Variants in ZXDC observed in about 807,000 individuals in gnomAD.
ZXDC encodes the protein zinc finger protein ZXDC.
In ZXDC, 58 loss-of-function variants were observed where a neutral mutation model predicts 63.6. That is an observed-to-expected ratio of 0.91 (90% CI 0.74 to 1.13). ZXDC has a LOEUF of 1.13. Ranked by LOEUF, ZXDC falls within the 50% of genes most tolerant of loss-of-function variation. ZXDC has a pLI of 0.00. For missense variants in ZXDC, 1,133 were observed against 1,148.9 expected (o/e 0.99, Z 0.20); for synonymous variants, 561 against 496.1 (o/e 1.13, Z -1.74).
intron 8 of ZXDC, chr3:126,441,494 C>T (rs1053919312): frequency 2.8e-5 from 35 of 1,228,318 alleles, no homozygotes; most frequent in Middle Eastern, 6.2e-4. Context: ...TGGGGCTAGA[C>T]GCAGGGCTGT....
chr3:126,456,194 G>A (rs535737578), intron 7 of ZXDC, among the ~76,000 whole-genome samples: 1 of 152,344 alleles, frequency 6.6e-6, no homozygotes, highest in Non-Finnish European at 1.5e-5. Context: ...AAGAGAAACA[G>A]GGCACTTGCA....
At chr3:126,454,789 C>T in intron 7 of ZXDC, 1 of 985,418 alleles carries the variant, frequency 1.0e-6, no homozygotes, top group Non-Finnish European at 1.2e-6. Context: ...TTAAGCTTAA[C>T]TTTGCTATTC....
intron 8 of ZXDC, chr3:126,441,282 A>C: frequency 1.0e-6 from 1 of 988,586 alleles, no homozygotes; most frequent in Non-Finnish European, 1.2e-6. Flanking sequence ...AAATAGAAAA[A>C]CACTGAAAAG....
chr3:126,445,182 C>T (rs1281463019), intron 7 of ZXDC, among the ~76,000 whole-genome samples: 5 of 152,166 alleles, frequency 3.3e-5, no homozygotes, highest in Non-Finnish European at 7.3e-5. Context: ...GCTAACAACT[C>T]GTCTAGGGAT....
Position 126,475,830 on chromosome 3 carries a change from C to T in ZXDC, c.36G>A (p.Ala12=), listed in dbSNP as rs1935205524. 1 of 1,082,460 alleles carries T rather than the reference C, an allele frequency of 9.2e-7. No homozygotes were observed. The highest frequency in any genetic ancestry group is 4.3e-5 in the South Asian group (1 of 23,006). The allele number at this position is 1,082,460 out of a possible 1,614,324, so 67.1% of individuals were successfully genotyped here. A position where few individuals can be genotyped will look rare whatever the true frequency, so the allele number is the denominator to read the frequency against. The part of the protein sequence containing the change: ...DLPALLPAPT[A]RGGQHGGGPG... ...GGCCGCCGCCATGTTGCCCTCCGCG[C>T]GCAGTCGGGGCGGGGAGCAGCGCCG... Residue 12 remains alanine (A), a synonymous_variant, in exon 1 of 10, where the codon GCG becomes GCA. Coordinates refer to ENST00000389709, the MANE Select transcript of ZXDC (RefSeq NM_025112.5).
Position 126,460,776 on chromosome 3 carries a change from A to G in ZXDC, c.2127+759T>C, listed in dbSNP as rs533002387. On this transcript the variant is annotated intron_variant, in intron 6 of 9. Transcript: ENST00000389709. ...GTGGCTCCATGGAGCCTCAGCTACT[A>G]TGTGCCTCACAACTGATCCTACTGC... 7.1e-6 allele frequency: 7 copies of G among 985,412 alleles called. No individual in the cohort carries two copies. The East Asian group carries it at 5.7e-4, about 80-fold the overall frequency. The allele number at this position is 985,412 out of a possible 1,614,324, so 61.0% of individuals were successfully genotyped here.
intron 7 of ZXDC, chr3:126,450,755 T>C (rs936736864): frequency 2.8e-6 from 1 of 351,362 alleles, no homozygotes; most frequent in Non-Finnish European, 5.6e-6. Flanking sequence ...AAACAGATTA[T>C]AAAAATTACA....
chr3:126,475,372 G>C lies in ZXDC; in HGVS notation c.494C>G (p.Pro165Arg). Residue 165 changes from proline to arginine, a missense_variant, in exon 1 of 10, where the codon CCC becomes CGC. By Grantham distance (103) the Pro-to-Arg change is moderately radical. Coordinates refer to ENST00000389709, the MANE Select transcript of ZXDC (RefSeq NM_025112.5). Reference protein sequence around the residue: ...TAGAAAPRRAPQASGPSTPGY... With the variant: ...TAGAAAPRRARQASGPSTPGY... ...GGGCGTGCTGGGGCCGGAGGCCTGG[G>C]GCGCGCGGCGGGGAGCGGCGGCGCC... 2 of 1,260,286 alleles carry C rather than the reference G, an allele frequency of 1.6e-6. No individual in the cohort carries two copies. The allele number at this position is 1,260,286 out of a possible 1,614,324, so 78.1% of individuals were successfully genotyped here. A position where few individuals can be genotyped will look rare whatever the true frequency, so the allele number is the denominator to read the frequency against.
At position 126,441,763 on chromosome 3, in the gene ZXDC, A is replaced by G. The variant is rs1933686915; in HGVS notation, c.2394+2T>C. On this transcript the variant is annotated splice_donor_variant, in intron 8 of 9. Coordinates refer to ENST00000389709, the MANE Select transcript of ZXDC (RefSeq NM_025112.5). LOFTEE classifies it high-confidence loss of function. Reference sequence around the variant, plus strand: ...TGGCCTGTGTGACTGGCCAGCTCTCACCTGCACCAGCTGGACCTGGACGCC... The same window carrying G: ...TGGCCTGTGTGACTGGCCAGCTCTCGCCTGCACCAGCTGGACCTGGACGCC... The G allele has an allele frequency of 6.3e-7, 1 of 1,590,954 alleles. No homozygotes were observed. Among genetic ancestry groups the G allele is most frequent in the African/African-American group, 1.3e-5 (1 of 74,310 alleles).
chr3:126,456,886 G>C (rs1205375501), intron 7 of ZXDC, among the ~76,000 whole-genome samples: 1 of 152,220 alleles, frequency 6.6e-6, no homozygotes, highest in Non-Finnish European at 1.5e-5. Context: ...CAGTGATCCA[G>C]GTTACCACAT....
chr3:126,454,253 C>A (rs1414933125), intron 7 of ZXDC: 1 of 984,834 alleles, frequency 1.0e-6, no homozygotes, highest in South Asian at 4.7e-5. Flanking sequence ...CACTTTCAAA[C>A]TGCTAGTTTC....
intron 7 of ZXDC, chr3:126,453,028 G>A (rs934748678): frequency 1.0e-6 from 1 of 985,256 alleles, no homozygotes; most frequent in South Asian, 4.7e-5. Flanking sequence ...CTCTTTCTGA[G>A]AGATACCCTT....
chr3:126,444,901 C>T (rs1301436866), intron 7 of ZXDC, among the ~76,000 whole-genome samples: 2 of 152,140 alleles, frequency 1.3e-5, no homozygotes, highest in Non-Finnish European at 2.9e-5. Context: ...TCCTTTTATA[C>T]CTAAACCAGT....
intron 4 of ZXDC, among the ~76,000 whole-genome samples, chr3:126,466,614 T>TG (rs1468621346): frequency 6.6e-6 from 1 of 152,258 alleles, no homozygotes; most frequent in Non-Finnish European, 1.5e-5. Context: ...TACATGGAGA[T>TG]GTTGGGAAGA....
rs778155998 is a variant in ZXDC at position 126,462,127 on chromosome 3, G to A, written c.1535C>T (p.Ala512Val). The change falls in exon 6 of 10, where the codon GCT (alanine) becomes GTT (valine). Residue 512 changes from alanine to valine, a missense_variant. Transcript: ENST00000389709. ...GGCAGGTGTGTCAGAGAAGAGTGCAGCAAGATCCATGTTAGTGAGCTCACT... is the reference window on the plus strand; with the variant it reads ...GGCAGGTGTGTCAGAGAAGAGTGCAACAAGATCCATGTTAGTGAGCTCACT... ...GQSELTNMDL[A>V]ALFSDTPANA... 11 of 1,613,808 alleles carry A rather than the reference G, an allele frequency of 6.8e-6. No individual in the cohort carries two copies. Among genetic ancestry groups the A allele is most frequent in the Non-Finnish European group, 8.5e-7 (1 of 1,180,026 alleles).
chr3:126,458,522 G>A, intron 7 of ZXDC: 1 of 931,618 alleles, frequency 1.1e-6, no homozygotes, highest in Non-Finnish European at 1.3e-6. Context: ...ACAGGTATGA[G>A]CCACCGCACC....
At chr3:126,441,077 A>C in intron 8 of ZXDC, 2 of 985,448 alleles carry the variant, frequency 2.0e-6, no homozygotes, top group Non-Finnish European at 2.4e-6. Context: ...TCTCTCCCCA[A>C]ATCCTTCCAA....
At chr3:126,460,317 C>G in intron 6 of ZXDC, 1 of 508,488 alleles carries the variant, frequency 2.0e-6, no homozygotes. Context: ...CTAAGAAAGA[C>G]AGTTTAACAC....
Position 126,472,148 on chromosome 3 carries a change from A to G in ZXDC, c.1060+5T>C, listed in dbSNP as rs1422051760. ...CCAAATGCTGTGCGTTCCCTAGCTC[A>G]TTACCTGTATGGCTCCGCAGGTGAA... is the stretch of plus-strand genomic sequence containing the variant. On this transcript the variant is annotated splice_donor_5th_base_variant and intron_variant, in intron 2 of 9. Transcript: ENST00000389709. The G allele has an allele frequency of 1.9e-6, 3 of 1,609,756 alleles. No individual in the cohort carries two copies. The highest frequency in any genetic ancestry group is 1.3e-5 in the African/African-American group (1 of 74,986).
Sources: allele counts gnomAD v4.1 joint callset (sites outside exome capture counted in the v4.1 genomes callset), GRCh38; gene constraint gnomAD v4.1.1; transcripts MANE v1.5; gene names NCBI Gene and HGNC (gene_info 2026-07-23, HGNC 2026-07-21).